Variants in MKKS observed in about 807,000 individuals in gnomAD.
The protein encoded by MKKS is MKKS centrosomal shuttling protein.
In MKKS, 29 loss-of-function variants were observed where a neutral mutation model predicts 33.2. The ratio of observed to expected loss-of-function variants is 0.87; its 90% confidence interval spans 0.65 to 1.19. The LOEUF is 1.19. MKKS is among the 50% of genes most tolerant of loss of function. The pLI, the probability that MKKS is intolerant of heterozygous loss-of-function variation, is 0.00. For synonymous variants in MKKS, 260 were observed against 244.0 expected, an observed-to-expected ratio of 1.07 and a Z score of -0.61; for missense variants, 661 against 662.3, an observed-to-expected ratio of 1.00 and a Z score of 0.02.
intron 3 of MKKS, 56 bp from the exon 4 acceptor site, chr20:10,408,859 C>T (rs2064861334): frequency 1.5e-6 from 2 of 1,377,496 alleles, no homozygotes; most frequent in Admixed American, 1.8e-5. Context: ...GAGCAAACAA[C>T]CATTTAAAAG....
chr20:10,409,593 A>G (rs1305102722), intron 3 of MKKS, among the ~76,000 whole-genome samples: 1 of 152,142 alleles, frequency 6.6e-6, no homozygotes, highest in African/African-American at 2.4e-5. Flanking sequence ...ATTCTGAGCC[A>G]TTCACCCCTT....
At chr20:10,418,130 T>C (rs888396526) in intron 2 of MKKS, among the ~76,000 whole-genome samples, 1 of 152,246 alleles carries the variant, frequency 6.6e-6, no homozygotes, top group Non-Finnish European at 1.5e-5. Flanking sequence ...TGTTTGTGTA[T>C]GTGTGTTTAT....
At chr20:10,430,617 T>C (rs2065048242) in intron 1 of MKKS, among the ~76,000 whole-genome samples, 1 of 152,154 alleles carries the variant, frequency 6.6e-6, no homozygotes, top group South Asian at 2.1e-4. Context: ...AGAATAAAAA[T>C]ACCCAGTCTC....
At chr20:10,433,738 ACAGT>A (rs1454302899) in intron 1 of MKKS, among the ~76,000 whole-genome samples, 2 of 152,018 alleles carry the variant, frequency 1.3e-5, no homozygotes, top group Non-Finnish European at 2.9e-5. Flanking sequence ...CACCCTCCAG[ACAGT>A]CAGGGGCACA....
chr20:10,413,642 G>T lies in MKKS; in HGVS notation c.-128C>A. 1 of 1,056,920 alleles carries T rather than the reference G, an allele frequency of 9.5e-7. No homozygotes were observed. The highest frequency in any genetic ancestry group is 1.4e-6 in the Non-Finnish European group (1 of 714,588). The allele number at this position is 1,056,920 out of a possible 1,614,324, so 65.5% of individuals were successfully genotyped here. A position where few individuals can be genotyped will look rare whatever the true frequency, so the allele number is the denominator to read the frequency against. ...AATTAAAGTATGAATATGCAGCATT[G>T]TGGCTATAAAATCAAAAAGTTCAAT... is the stretch of plus-strand genomic sequence containing the variant. On this transcript the variant is annotated 5_prime_UTR_variant, in exon 3 of 6. Coordinates refer to ENST00000347364, the MANE Select transcript of MKKS (RefSeq NM_170784.3).
At chr20:10,415,866 A>G (rs924540272) in intron 2 of MKKS, among the ~76,000 whole-genome samples, 9 of 152,256 alleles carry the variant, frequency 5.9e-5, no homozygotes, top group African/African-American at 2.2e-4. Context: ...TTTCATTAAA[A>G]TGACAAAGAA....
At chr20:10,419,076 G>T (rs1352180534) in intron 2 of MKKS, among the ~76,000 whole-genome samples, 1 of 151,938 alleles carries the variant, frequency 6.6e-6, no homozygotes, top group Non-Finnish European at 1.5e-5. Flanking sequence ...AAATATTGTT[G>T]AAACCAGTAA....
intron 1 of MKKS, among the ~76,000 whole-genome samples, chr20:10,421,389 A>T (rs1284421877): frequency 6.6e-6 from 1 of 150,432 alleles, no homozygotes; most frequent in Non-Finnish European, 1.5e-5. Context: ...ATGCCACTGC[A>T]CTAGGCAACA....
At chr20:10,406,563 T>A (rs1170007254) in intron 5 of MKKS, among the ~76,000 whole-genome samples, 1 of 152,222 alleles carries the variant, frequency 6.6e-6, no homozygotes, top group South Asian at 2.1e-4. Flanking sequence ...GCAAGTACAC[T>A]CTATATTGTT....
chr20:10,428,957 T>C (rs1378360796), intron 1 of MKKS, among the ~76,000 whole-genome samples: 5 of 152,146 alleles, frequency 3.3e-5, no homozygotes, highest in African/African-American at 1.2e-4. Flanking sequence ...AACTTCATTA[T>C]CCCCTCTCAT....
rs777368577 is a variant in MKKS, at chr20:10,413,043, A to G, written c.472T>C (p.Leu158=). ...AGCATACAGGCAGGTTTACTTGTTA[A>G]TATACTACGCACCAAACAAAGGAGG... The part of the protein sequence containing the change: ...QILLCLVRSI[L]TSKPACMLTR... Residue 158 remains leucine, a synonymous_variant, in exon 3 of 6, where the codon TTA becomes CTA. Coordinates refer to ENST00000347364, the MANE Select transcript of MKKS (RefSeq NM_170784.3). 1 of 1,614,080 alleles carries G rather than the reference A, an allele frequency of 6.2e-7. No homozygotes were observed. Among genetic ancestry groups the G allele is most frequent in the Non-Finnish European group, 8.5e-7 (1 of 1,180,034 alleles).
At chr20:10,422,933 G>A (rs2064991617) in intron 1 of MKKS, among the ~76,000 whole-genome samples, 1 of 151,882 alleles carries the variant, frequency 6.6e-6, no homozygotes, top group African/African-American at 2.4e-5. Flanking sequence ...GGATGGTCTC[G>A]ATCTCCTGAC....
chr20:10,427,064 AC>A, intron 1 of MKKS, among the ~76,000 whole-genome samples: 1 of 146,132 alleles, frequency 6.8e-6, no homozygotes, highest in Non-Finnish European at 1.5e-5. Flanking sequence ...ACACACACAC[AC>A]ACACACACAC....
rs750582871 is a variant in MKKS, at chr20:10,407,740, CA to C, written c.1162-15del. The C allele has an allele frequency of 3.8e-6, 6 of 1,592,834 alleles. No homozygotes were observed. Among genetic ancestry groups the C allele is most frequent in the Non-Finnish European group, 5.2e-6 (6 of 1,161,856 alleles). ...CTGACACGTGAGCTAAGAAAAAACC[CA>C]AATCATCAGAATCAGACGTTCACAT... On this transcript the variant is annotated splice_polypyrimidine_tract_variant and intron_variant, in intron 4 of 5. Transcript: ENST00000347364.
intron 1 of MKKS, among the ~76,000 whole-genome samples, chr20:10,421,012 T>C (rs964365800): frequency 8.5e-5 from 13 of 152,194 alleles, no homozygotes; most frequent in Admixed American, 3.9e-4. Flanking sequence ...AGGAGCAACA[T>C]TACCTGCTGG....
At chr20:10,421,665 T>A (rs1444092073) in intron 1 of MKKS, among the ~76,000 whole-genome samples, 2 of 152,018 alleles carry the variant, frequency 1.3e-5, no homozygotes, top group Non-Finnish European at 2.9e-5. Context: ...CATTTTAGAG[T>A]GTTTGCCCTG....
At chr20:10,427,639 T>C (rs2065025210) in intron 1 of MKKS, among the ~76,000 whole-genome samples, 1 of 152,224 alleles carries the variant, frequency 6.6e-6, no homozygotes, top group African/African-American at 2.4e-5. Context: ...GTGTACACAA[T>C]AGAAAAGACT....
chr20:10,410,417 G>A lies in MKKS; in HGVS notation c.986-1614C>T, dbSNP rs190329723. ...AGGTTGAGATGGGTGGATCACCTGA[G>A]CTCAGGAGTTCAGGACCAGCCTGAC... On this transcript the variant is annotated intron_variant, in intron 3 of 5. Coordinates refer to ENST00000347364, the MANE Select transcript of MKKS (RefSeq NM_170784.3). Among the ~76,000 whole-genome samples the A allele has an allele frequency of 2.3e-3, 355 of 152,206 alleles. 2 individuals are homozygous for A. The highest frequency in any genetic ancestry group is 3.9e-3 in the Non-Finnish European group (262 of 67,998).
At chr20:10,424,812 G>A (rs749987080) in intron 1 of MKKS, among the ~76,000 whole-genome samples, 2 of 152,086 alleles carry the variant, frequency 1.3e-5, no homozygotes, top group African/African-American at 2.4e-5. Flanking sequence ...AGCACTTTGG[G>A]AGGCCGAGGC....
Sources: gnomAD v4.1 joint callset for allele counts (sites outside exome capture counted in the v4.1 genomes callset) on GRCh38, gnomAD v4.1.1 for gene constraint, MANE v1.5 for transcripts, NCBI Gene and HGNC (gene_info 2026-07-23, HGNC 2026-07-21) for gene names.